The following SRGAP1 variants were observed in gnomAD, a reference collection of about 807,000 sequenced individuals.
SRGAP1 encodes the protein SLIT-ROBO Rho GTPase activating protein 1, also known as SLIT-ROBO Rho GTPase-activating protein 1.
Under a neutral mutation model 121.9 loss-of-function variants are expected in SRGAP1, and 43 were observed. That is an observed-to-expected ratio of 0.35 (90% CI 0.28 to 0.46). The LOEUF is 0.46. Among genes scored for constraint, SRGAP1 ranks in the 20% least tolerant of loss-of-function variants. The pLI, the probability that SRGAP1 is intolerant of heterozygous loss-of-function variation, is 1.00. For missense variants in SRGAP1, 1,102 were observed against 1,350.9 expected, an observed-to-expected ratio of 0.82 and a Z score of 2.89; for synonymous variants, 447 against 485.4, an observed-to-expected ratio of 0.92 and a Z score of 1.04.
chr12:64,045,545 C>T lies in SRGAP1; in HGVS notation c.801+1970C>T, dbSNP rs533979855. Among the ~76,000 whole-genome samples, 269 of 152,014 alleles carry T rather than the reference C, an allele frequency of 1.8e-3. 2 individuals are homozygous for T. Among genetic ancestry groups the T allele is most frequent in the African/African-American group, 6.1e-3 (252 of 41,484 alleles). ...CGGCCTCCCAGGTTCAAGCAATTCTCCTGCCTCAGCCTCTTGAGTAGCTGG... is the reference window on the plus strand; with the variant it reads ...CGGCCTCCCAGGTTCAAGCAATTCTTCTGCCTCAGCCTCTTGAGTAGCTGG... On this transcript the variant is annotated intron_variant, in intron 6 of 21. Coordinates refer to ENST00000355086, the MANE Select transcript of SRGAP1 (RefSeq NM_020762.4).
chr12:63,880,210 T>C (rs1798297786), intron 1 of SRGAP1, among the ~76,000 whole-genome samples: 1 of 152,122 alleles, frequency 6.6e-6, no homozygotes, highest in African/African-American at 2.4e-5. Flanking sequence ...TCCCCAGCCA[T>C]GTAGAACTGT....
At chr12:64,101,609 T>C (rs1199081782) in intron 15 of SRGAP1, among the ~76,000 whole-genome samples, 2 of 152,088 alleles carry the variant, frequency 1.3e-5, no homozygotes, top group African/African-American at 4.8e-5. Context: ...AGAGTTATTT[T>C]GTTTTGTTTT....
At chr12:64,052,533 C>T (rs981158849) in intron 6 of SRGAP1, among the ~76,000 whole-genome samples, 2 of 149,450 alleles carry the variant, frequency 1.3e-5, no homozygotes, top group East Asian at 2.0e-4. Context: ...CCAGCCTAGG[C>T]GACAAGAAGA....
chr12:64,012,169 A>T (rs558507515), intron 3 of SRGAP1, among the ~76,000 whole-genome samples: 4 of 152,344 alleles, frequency 2.6e-5, no homozygotes, highest in Admixed American at 1.3e-4. Context: ...AAGATTAAAA[A>T]CTTTGAGACT....
intron 1 of SRGAP1, among the ~76,000 whole-genome samples, chr12:63,981,910 G>T (rs746700976): frequency 1.1e-4 from 17 of 152,106 alleles, no homozygotes; most frequent in Non-Finnish European, 2.4e-4. Context: ...AGGTTTGATG[G>T]ATAGAAGGAT....
chr12:63,876,642 T>G (rs1900038256), intron 1 of SRGAP1, among the ~76,000 whole-genome samples: 1 of 152,180 alleles, frequency 6.6e-6, no homozygotes, highest in South Asian at 2.1e-4. Flanking sequence ...AGAAGCATTG[T>G]TTGTGGCTAA....
intron 3 of SRGAP1, among the ~76,000 whole-genome samples, chr12:64,007,398 T>A (rs2034118064): frequency 6.6e-6 from 1 of 152,090 alleles, no homozygotes; most frequent in Non-Finnish European, 1.5e-5. Context: ...GGGTTTGTGC[T>A]CCTATGAGAA....
At chr12:64,006,313 C>G (rs897607937) in intron 3 of SRGAP1, among the ~76,000 whole-genome samples, 1 of 152,046 alleles carries the variant, frequency 6.6e-6, no homozygotes, top group Non-Finnish European at 1.5e-5. Context: ...CCTGGTGGCC[C>G]CTTAACAGCA....
At chr12:64,120,953 G>A (rs1279000726) in intron 18 of SRGAP1, among the ~76,000 whole-genome samples, 1 of 150,352 alleles carries the variant, frequency 6.7e-6, no homozygotes, top group East Asian at 1.9e-4. Flanking sequence ...TAGCAGGAGG[G>A]TAATTAAGGT....
rs368522708 is a variant in SRGAP1, at chr12:64,031,500, C to G, written c.490-11290C>G. Among the ~76,000 whole-genome samples, 17 of 152,094 alleles carry G rather than the reference C, an allele frequency of 1.1e-4. No homozygotes were observed. In the East Asian group the frequency reaches 2.9e-3, roughly 26 times the overall value. On this transcript the variant is annotated intron_variant, in intron 4 of 21. Transcript: ENST00000355086. ...GATCCAAGAGGGCACATAAACCAAC[C>G]ACCTCCTTTGTAGGAGTTACATAAA...
At chr12:64,116,067 C>G in intron 18 of SRGAP1, 174 bp downstream of exon 18, 1 of 564,312 alleles carries the variant, frequency 1.8e-6, no homozygotes, top group Non-Finnish European at 3.2e-6. Context: ...CCAGCCTGTG[C>G]AACATAGTGA....
At chr12:63,997,370 A>T (rs1342452576) in intron 3 of SRGAP1, among the ~76,000 whole-genome samples, 2 of 152,092 alleles carry the variant, frequency 1.3e-5, no homozygotes, top group Non-Finnish European at 2.9e-5. Context: ...ATGTTCACAC[A>T]ATGATGAAAT....
At chr12:63,896,926 T>G (rs898740669) in intron 1 of SRGAP1, among the ~76,000 whole-genome samples, 1 of 152,202 alleles carries the variant, frequency 6.6e-6, no homozygotes, top group South Asian at 2.1e-4. Flanking sequence ...AGAAAATACT[T>G]TACCCTGGGT....
chr12:64,126,965 C>T (rs1370455623), intron 19 of SRGAP1, among the ~76,000 whole-genome samples: 1 of 152,166 alleles, frequency 6.6e-6, no homozygotes, highest in Non-Finnish European at 1.5e-5. Flanking sequence ...CCTATTTTTA[C>T]TGTACCTTTT....
intron 1 of SRGAP1, among the ~76,000 whole-genome samples, chr12:63,927,393 T>A (rs1333145427): frequency 5.9e-5 from 9 of 152,200 alleles, no homozygotes; most frequent in Admixed American, 5.9e-4. Flanking sequence ...TATTGGCTGA[T>A]TGCTACGCTT....
intron 1 of SRGAP1, among the ~76,000 whole-genome samples, chr12:63,852,116 C>T (rs924804462): frequency 6.6e-6 from 1 of 152,120 alleles, no homozygotes; most frequent in Non-Finnish European, 1.5e-5. Context: ...CCTCAGCCTC[C>T]TGTGTAGCTG....
At chr12:64,001,953 G>A (rs151065756) in intron 3 of SRGAP1, among the ~76,000 whole-genome samples, 97 of 152,262 alleles carry the variant, frequency 6.4e-4, no homozygotes, top group African/African-American at 2.0e-3. Flanking sequence ...CTGAATACCC[G>A]CAGCAGTTTA....
chr12:64,095,110 CCTT>C lies in SRGAP1; in HGVS notation c.1601-13_1601-11del. ...TGTGATGGGGGTTTTATCCTCTTTCCCTTCTTTTCTCTTTAGGTCTTCAGCATC... is the reference window on the plus strand; with the variant it reads ...TGTGATGGGGGTTTTATCCTCTTTCCCTTTTCTCTTTAGGTCTTCAGCATC... On this transcript the variant is annotated splice_polypyrimidine_tract_variant and intron_variant, in intron 13 of 21. Coordinates refer to ENST00000355086, the MANE Select transcript of SRGAP1 (RefSeq NM_020762.4). The C allele has an allele frequency of 6.2e-7, 1 of 1,613,566 alleles. No homozygotes were observed. The highest frequency in any genetic ancestry group is 1.1e-5 in the South Asian group (1 of 91,060).
chr12:63,884,822 C>A (rs917631171), intron 1 of SRGAP1, among the ~76,000 whole-genome samples: 56 of 150,804 alleles, frequency 3.7e-4, no homozygotes, highest in African/African-American at 1.4e-3. Context: ...AGGTTCAAGG[C>A]CATTCTCCTG....
Sources: gnomAD v4.1 joint callset for allele counts (sites outside exome capture counted in the v4.1 genomes callset) on GRCh38, gnomAD v4.1.1 for gene constraint, MANE v1.5 for transcripts, NCBI Gene and HGNC (gene_info 2026-07-23, HGNC 2026-07-21) for gene names.